The following EPB41L4A variants were observed in gnomAD, a reference collection of about 807,000 sequenced individuals.
EPB41L4A encodes the protein band 4.1-like protein 4A.
In EPB41L4A, 100 loss-of-function variants were observed where a neutral mutation model predicts 108.6. The observed-to-expected ratio is 0.92, with a 90% CI of 0.78 to 1.09. EPB41L4A has a LOEUF of 1.09. Among genes scored for constraint, EPB41L4A ranks in the 50% least tolerant of loss-of-function variants. EPB41L4A has a pLI of 0.00. For synonymous variants in EPB41L4A, 319 were observed against 289.0 expected (o/e 1.10, Z -1.05); for missense variants, 1,030 against 842.7 (o/e 1.22, Z -2.75).
intron 15 of EPB41L4A, among the ~76,000 whole-genome samples, chr5:112,198,488 G>A (rs1401804009): frequency 2.0e-5 from 3 of 152,068 alleles, no homozygotes; most frequent in South Asian, 2.1e-4. Flanking sequence ...CTTTTCAACC[G>A]ATTATGTCAA....
intron 1 of EPB41L4A, among the ~76,000 whole-genome samples, chr5:112,347,211 G>C (rs1329167829): frequency 1.3e-5 from 2 of 152,210 alleles, no homozygotes; most frequent in Admixed American, 6.5e-5. Context: ...TGCATTTTCA[G>C]AATGTGATCC....
chr5:112,255,205 CTGTT>C (rs1342293118), intron 9 of EPB41L4A, among the ~76,000 whole-genome samples: 1 of 149,426 alleles, frequency 6.7e-6, no homozygotes, highest in African/African-American at 2.5e-5. Context: ...AGCTATATTT[CTGTT>C]TATTTCCCTT....
intron 12 of EPB41L4A, among the ~76,000 whole-genome samples, chr5:112,156,989 C>G (rs1308985411): frequency 6.6e-6 from 1 of 152,074 alleles, no homozygotes; most frequent in African/African-American, 2.4e-5. Flanking sequence ...ATCATGGTGT[C>G]TGCGTGGTGA....
intron 17 of EPB41L4A, among the ~76,000 whole-genome samples, chr5:112,187,969 A>G (rs899265085): frequency 2.0e-5 from 3 of 152,196 alleles, no homozygotes; most frequent in Admixed American, 6.5e-5. Flanking sequence ...GGTTGTTCAT[A>G]TATAAAATTA....
In EPB41L4A at chr5:112,385,055, T is replaced by C. The variant is rs1464336864; in HGVS notation, c.99+33886A>G. Among the ~76,000 whole-genome samples, 4 of 152,176 alleles carry C rather than the reference T, an allele frequency of 2.6e-5. No homozygotes were observed. The East Asian group carries it at 7.7e-4, about 29-fold the overall frequency. On this transcript the variant is annotated intron_variant, in intron 1 of 22. Coordinates refer to ENST00000261486, the MANE Select transcript of EPB41L4A (RefSeq NM_022140.5). ...ACCCTTGGATATGGTTTCAGCTTTA[T>C]CTTTTTTAAGGAGCAGGCGAAGCCC...
chr5:112,285,314 T>A lies in EPB41L4A; in HGVS notation c.205-4991A>T, dbSNP rs561943304. Among the ~76,000 whole-genome samples, 64 of 152,312 alleles carry A rather than the reference T, an allele frequency of 4.2e-4. No individual in the cohort carries two copies. In the South Asian group the frequency reaches 0.012, roughly 28 times the overall value. On this transcript the variant is annotated intron_variant, in intron 2 of 22. Coordinates refer to ENST00000261486, the MANE Select transcript of EPB41L4A (RefSeq NM_022140.5). The stretch of plus-strand genomic sequence containing the variant: ...TAAAAACAGAGTTGGTCATGTACCA[T>A]TGACAACAGAGCCACAAAGATCTCA...
At chr5:112,170,438 G>A in intron 19 of EPB41L4A, 69 bp from the exon 20 acceptor site, 1 of 1,024,482 alleles carries the variant, frequency 9.8e-7, no homozygotes, top group Non-Finnish European at 1.5e-6. Context: ...TTCACAATCG[G>A]CAGGTGAGTT....
At chr5:112,197,037 G>C (rs1031365708) in intron 15 of EPB41L4A, 2 of 152,162 alleles carry the variant, frequency 1.3e-5, no homozygotes, top group African/African-American at 4.8e-5. Context: ...TTACTACCAA[G>C]GTTAGTCCCT....
chr5:112,416,516 A>T lies in EPB41L4A; in HGVS notation c.99+2425T>A, dbSNP rs1347217318. The stretch of plus-strand genomic sequence containing the variant: ...GCTTTTGAAAAATAGAGATTTTTCT[A>T]GTTAATTTCAGAGAACAGTAGGCTA... On this transcript the variant is annotated intron_variant, in intron 1 of 22. Coordinates refer to ENST00000261486, the MANE Select transcript of EPB41L4A (RefSeq NM_022140.5). Among the ~76,000 whole-genome samples the T allele has an allele frequency of 2.0e-5, 3 of 152,180 alleles. No individual in the cohort carries two copies. In the East Asian group the frequency reaches 5.8e-4, roughly 29 times the overall value.
chr5:112,164,897 C>A lies in EPB41L4A; in HGVS notation c.*93G>T, dbSNP rs925650716. The A allele has an allele frequency of 1.7e-6, 2 of 1,205,036 alleles. No individual in the cohort carries two copies. Among genetic ancestry groups the A allele is most frequent in the East Asian group, 2.7e-5 (1 of 36,650 alleles). 74.6% of individuals were successfully genotyped at this position (1,205,036 alleles called of 1,614,324 possible). ...TCATGCTGAAGAAATACTTGCAGGTCTGAGATTTGAATTAAGATACCTATT... is the reference window on the plus strand; with the variant it reads ...TCATGCTGAAGAAATACTTGCAGGTATGAGATTTGAATTAAGATACCTATT... On this transcript the variant is annotated 3_prime_UTR_variant, in exon 23 of 23. Coordinates refer to ENST00000261486, the MANE Select transcript of EPB41L4A (RefSeq NM_022140.5).
chr5:112,168,639 A>G, intron 22 of EPB41L4A, 100 bp downstream of exon 22: 1 of 829,080 alleles, frequency 1.2e-6, no homozygotes, highest in South Asian at 1.6e-5. Context: ...TTAAGGTTTC[A>G]TTGCCTGCCC....
At chr5:112,240,391 G>T (rs1749680285) in intron 10 of EPB41L4A, among the ~76,000 whole-genome samples, 1 of 152,128 alleles carries the variant, frequency 6.6e-6, no homozygotes, top group Non-Finnish European at 1.5e-5. Flanking sequence ...AATTAATTAT[G>T]CACAGAACAC....
At chr5:112,297,890 T>C (rs1355930205) in intron 2 of EPB41L4A, among the ~76,000 whole-genome samples, 1 of 152,172 alleles carries the variant, frequency 6.6e-6, no homozygotes, top group African/African-American at 2.4e-5. Context: ...CCCAGCACCA[T>C]TTCCCCACTT....
intron 1 of EPB41L4A, among the ~76,000 whole-genome samples, chr5:112,390,063 A>C (rs1019575697): frequency 6.6e-6 from 1 of 152,228 alleles, no homozygotes; most frequent in African/African-American, 2.4e-5. Context: ...ACCATTTCAC[A>C]CTTTAGGAAA....
At chr5:112,261,600 G>C (rs189117097) in intron 7 of EPB41L4A, among the ~76,000 whole-genome samples, 1 of 149,934 alleles carries the variant, frequency 6.7e-6, no homozygotes, top group African/African-American at 2.4e-5. Context: ...GTTAAAACCC[G>C]GATCCAGAAC....
At chr5:112,145,458 A>C (rs1759215686) in intron 13 of EPB41L4A, among the ~76,000 whole-genome samples, 1 of 152,210 alleles carries the variant, frequency 6.6e-6, no homozygotes, top group African/African-American at 2.4e-5. Flanking sequence ...GAATCAAAAT[A>C]AATAAATAAA....
chr5:112,235,609 C>T (rs770159623), intron 11 of EPB41L4A, among the ~76,000 whole-genome samples: 2 of 152,182 alleles, frequency 1.3e-5, no homozygotes, highest in Non-Finnish European at 2.9e-5. Flanking sequence ...CTTACATTTA[C>T]AGGATAAACA....
At chr5:112,273,083 A>G (rs1318863207) in intron 4 of EPB41L4A, among the ~76,000 whole-genome samples, 1 of 152,222 alleles carries the variant, frequency 6.6e-6, no homozygotes, top group Non-Finnish European at 1.5e-5. Context: ...TGCTTTTGCC[A>G]AAATTATCTC....
intron 2 of EPB41L4A, among the ~76,000 whole-genome samples, chr5:112,281,558 C>T (rs1752969063): frequency 6.6e-6 from 1 of 152,194 alleles, no homozygotes; most frequent in South Asian, 2.1e-4. Flanking sequence ...CAGGGCCAAG[C>T]CACTCAGTTT....
Sources: allele counts gnomAD v4.1 joint callset (sites outside exome capture counted in the v4.1 genomes callset), GRCh38; gene constraint gnomAD v4.1.1; transcripts MANE v1.5; gene names NCBI Gene and HGNC (gene_info 2026-07-23, HGNC 2026-07-21).